TMC1: variants seen among roughly 807,000 people sequenced by gnomAD.
The protein encoded by TMC1 is transmembrane channel-like protein 1.
In TMC1, 84 loss-of-function variants were observed where a neutral mutation model predicts 105.8. The observed-to-expected ratio is 0.79, with a 90% CI of 0.67 to 0.95. The LOEUF is 0.95. TMC1 is among the 40% of genes least tolerant of loss of function. The pLI is 0.00. For missense variants in TMC1, 817 were observed against 914.1 expected, an observed-to-expected ratio of 0.89 and a Z score of 1.37; for synonymous variants, 315 against 311.5, an observed-to-expected ratio of 1.01 and a Z score of -0.12.
chr9:72,584,042 A>G (rs971232803), intron 2 of TMC1, among the ~76,000 whole-genome samples: 30 of 152,192 alleles, frequency 2.0e-4, no homozygotes, highest in African/African-American at 7.2e-4. Context: ...TGTTAACAGT[A>G]CTCAGTCTTT....
intron 2 of TMC1, among the ~76,000 whole-genome samples, chr9:72,592,100 C>G (rs1000987943): frequency 4.6e-5 from 7 of 152,140 alleles, no homozygotes; most frequent in African/African-American, 1.7e-4. Context: ...TGGTAGATAA[C>G]ATCAACAGGA....
chr9:72,562,752 TATA>T (rs1460607656), intron 1 of TMC1, among the ~76,000 whole-genome samples: 3 of 152,186 alleles, frequency 2.0e-5, no homozygotes, highest in Non-Finnish European at 4.4e-5. Flanking sequence ...GTATAATTGG[TATA>T]ATAACAGTTA....
rs569287035 is a variant in TMC1, at chr9:72,751,175, G to A, written c.536-675G>A. ...TTTCTATGTATCTTACATATTTGTTGTATCCATACCTCACTAAAATGTAAG... is the reference window on the plus strand; with the variant it reads ...TTTCTATGTATCTTACATATTTGTTATATCCATACCTCACTAAAATGTAAG... On this transcript the variant is annotated intron_variant, in intron 10 of 23. Coordinates refer to ENST00000297784, the MANE Select transcript of TMC1 (RefSeq NM_138691.3). 7.9e-5 allele frequency among the ~76,000 whole-genome samples: 12 copies of A among 151,992 alleles called. No homozygotes were observed. The South Asian group carries it at 2.5e-3, about 32-fold the overall frequency.
chr9:72,764,783 T>C (rs1372218128), intron 12 of TMC1, among the ~76,000 whole-genome samples: 2 of 152,134 alleles, frequency 1.3e-5, no homozygotes, highest in African/African-American at 2.4e-5. Context: ...CAAATATAAA[T>C]TGAAGTCAGA....
chr9:72,616,765 G>A (rs1825137697), intron 3 of TMC1, among the ~76,000 whole-genome samples: 2 of 151,904 alleles, frequency 1.3e-5, no homozygotes, highest in East Asian at 1.9e-4. Flanking sequence ...GGCACAAAAG[G>A]ATGAATGAAC....
At chr9:72,542,914 C>T (rs768604748) in intron 1 of TMC1, among the ~76,000 whole-genome samples, 5 of 151,908 alleles carry the variant, frequency 3.3e-5, no homozygotes, top group Admixed American at 6.6e-5. Context: ...CTCCTGACCT[C>T]ATGATCCACC....
At chr9:72,671,782 A>T (rs575100059) in intron 5 of TMC1, among the ~76,000 whole-genome samples, 5 of 152,306 alleles carry the variant, frequency 3.3e-5, no homozygotes, top group African/African-American at 1.2e-4. Flanking sequence ...TTAAAAAGAA[A>T]AAAAATCAAA....
chr9:72,603,412 CACA>C (rs997825185), intron 2 of TMC1, among the ~76,000 whole-genome samples: 10 of 148,930 alleles, frequency 6.7e-5, no homozygotes, highest in Non-Finnish European at 1.2e-4. Context: ...CACACACACA[CACA>C]CACACACCAC....
chr9:72,639,146 G>A (rs1271513867), intron 4 of TMC1, among the ~76,000 whole-genome samples: 1 of 151,940 alleles, frequency 6.6e-6, no homozygotes, highest in African/African-American at 2.4e-5. Flanking sequence ...TTTCATTACT[G>A]GGAACTAACT....
At chr9:72,722,492 G>C (rs1827044204) in intron 8 of TMC1, among the ~76,000 whole-genome samples, 1 of 151,964 alleles carries the variant, frequency 6.6e-6, no homozygotes, top group Non-Finnish European at 1.5e-5. Context: ...GAATTCTCTT[G>C]ATTATTCATT....
At position 72,733,813 on chromosome 9, in the gene TMC1, G is replaced by A. The variant is rs569166403; in HGVS notation, c.363-6306G>A. ...CTTCACAATTTCAGGAAGAGAAGAC[G>A]TCTTACCATAGATCTTAGCAACCTC... On this transcript the variant is annotated intron_variant, in intron 8 of 23. Transcript: ENST00000297784. 1.3e-4 allele frequency among the ~76,000 whole-genome samples: 20 copies of A among 152,140 alleles called. 1 individual carries two copies. Among genetic ancestry groups the A allele is most frequent in the South Asian group, 8.3e-4 (4 of 4,812 alleles).
intron 5 of TMC1, among the ~76,000 whole-genome samples, chr9:72,670,887 A>T (rs1826117790): frequency 6.6e-6 from 1 of 152,228 alleles, no homozygotes; most frequent in South Asian, 2.1e-4. Flanking sequence ...AAGGTTTTAC[A>T]CTATGTATGA....
At chr9:72,814,896 TTGTGTGTG>T (rs57564294) in intron 18 of TMC1, among the ~76,000 whole-genome samples, 1,953 of 119,220 alleles carry the variant, frequency 0.016, 24 homozygotes, top group African/African-American at 0.04. Flanking sequence ...TGGATCATCT[TTGTGTGTG>T]TGTGTGTGTG....
chr9:72,522,199 G>C (rs1031555619), intron 1 of TMC1, among the ~76,000 whole-genome samples: 1 of 149,848 alleles, frequency 6.7e-6, no homozygotes, highest in African/African-American at 2.5e-5. Flanking sequence ...TCCCAGGCTG[G>C]AGTGCAGTGG....
chr9:72,534,599 A>G (rs1236343869), intron 1 of TMC1, among the ~76,000 whole-genome samples: 1 of 152,242 alleles, frequency 6.6e-6, no homozygotes, highest in African/African-American at 2.4e-5. Context: ...TTTGGCATGT[A>G]TAGAAAAATC....
intron 21 of TMC1, among the ~76,000 whole-genome samples, chr9:72,828,798 G>A (rs1478850594): frequency 6.6e-6 from 1 of 152,184 alleles, no homozygotes; most frequent in East Asian, 1.9e-4. Context: ...TTTCAGATGG[G>A]CTGAAAGCCA....
intron 8 of TMC1, among the ~76,000 whole-genome samples, chr9:72,737,207 C>T (rs1341032): frequency 0.49 from 73,885 of 151,968 alleles, 20,828 homozygotes; most frequent in African/African-American, 0.79. Flanking sequence ...ATTTACCTGG[C>T]GTTTCTTGTG....
intron 1 of TMC1, among the ~76,000 whole-genome samples, chr9:72,525,956 C>G (rs1405956898): frequency 6.6e-6 from 1 of 151,566 alleles, no homozygotes; most frequent in Non-Finnish European, 1.5e-5. Flanking sequence ...CCACTGCACT[C>G]CAGCCTGGAT....
chr9:72,834,616 G>T (rs922894797), intron 23 of TMC1, among the ~76,000 whole-genome samples: 1 of 152,154 alleles, frequency 6.6e-6, no homozygotes, highest in African/African-American at 2.4e-5. Context: ...AAAACAACAC[G>T]GGTGGGGCTC....
Sources: gnomAD v4.1 joint callset for allele counts (sites outside exome capture counted in the v4.1 genomes callset) on GRCh38, gnomAD v4.1.1 for gene constraint, MANE v1.5 for transcripts, NCBI Gene and HGNC (gene_info 2026-07-23, HGNC 2026-07-21) for gene names.